Variants in MZT2B observed in about 807,000 individuals in gnomAD.
The protein encoded by MZT2B is mitotic-spindle organizing protein 2B.
In MZT2B, 11 loss-of-function variants were observed where a neutral mutation model predicts 12.1. The ratio of observed to expected loss-of-function variants is 0.91; its 90% CI spans 0.57 to 1.50. MZT2B has a LOEUF of 1.50. Among genes scored for constraint, MZT2B ranks in the 40% most tolerant of loss-of-function variants. The pLI is 0.00. For synonymous variants in MZT2B, 85 were observed against 109.5 expected, an observed-to-expected ratio of 0.78 and a Z score of 1.40; for missense variants, 209 against 227.7, an observed-to-expected ratio of 0.92 and a Z score of 0.53.
chr2:130,183,092 G>T (rs990544276), intron 2 of MZT2B: 22 of 500,564 alleles, frequency 4.4e-5, no homozygotes, highest in African/African-American at 3.6e-4. Flanking sequence ...GTTTGGGGCT[G>T]GGCGCCCTGG....
At chr2:130,198,452 C>G in the MZT2B span, 4 of 1,318,378 alleles carry the variant, frequency 3.0e-6, 1 homozygote, top group Non-Finnish European at 3.1e-6. Context: ...CCTGCCCACG[C>G]GCGCCGCACA....
chr2:130,181,910 G>A, upstream of MZT2B: 1 of 1,497,648 alleles, frequency 6.7e-7, no homozygotes, highest in Non-Finnish European at 8.9e-7. Flanking sequence ...CACCGGTGCG[G>A]ACCAGAAAAT....
At chr2:130,194,203 A>C (rs1291131356), downstream of MZT2B, 1 of 1,612,972 alleles carries the variant, frequency 6.2e-7, no homozygotes, top group Non-Finnish European at 8.5e-7. Flanking sequence ...GGTTGCGCCG[A>C]CATATGTCAT....
At chr2:130,184,892 TG>T in intron 2 of MZT2B, 1 of 985,266 alleles carries the variant, frequency 1.0e-6, no homozygotes, top group Non-Finnish European at 1.2e-6. Flanking sequence ...GAGACCAGTG[TG>T]GTGGCTCACA....
chr2:130,202,557 C>A, the MZT2B span: 2 of 964,220 alleles, frequency 2.1e-6, no homozygotes, highest in Admixed American at 6.9e-5. Flanking sequence ...ACTGTCCCTG[C>A]TGCAAGCAGG....
At chr2:130,192,069 T>C, downstream of MZT2B, 2 of 1,612,672 alleles carry the variant, frequency 1.2e-6, no homozygotes, top group East Asian at 4.5e-5. Flanking sequence ...CACGGCCCGC[T>C]GCACCTTGGC....
downstream of MZT2B, chr2:130,193,816 C>A (rs754085046): frequency 3.7e-6 from 6 of 1,611,606 alleles, no homozygotes; most frequent in Non-Finnish European, 5.1e-6. Context: ...AATCCACAAA[C>A]TGGATAGTGC....
intron 2 of MZT2B, chr2:130,183,113 T>C (rs1338969161): frequency 2.2e-6 from 1 of 455,424 alleles, no homozygotes; most frequent in East Asian, 4.3e-5. Flanking sequence ...CTCACGCCTA[T>C]AATCTTTGGG....
chr2:130,183,017 C>T, intron 2 of MZT2B: 1 of 631,486 alleles, frequency 1.6e-6, no homozygotes, highest in South Asian at 2.0e-5. Flanking sequence ...GGTAGGGCTC[C>T]TCCGCTTAGC....
chr2:130,197,274 G>A, the MZT2B span, among the ~76,000 whole-genome samples: 251 of 151,770 alleles, frequency 1.7e-3, 2 homozygotes, highest in African/African-American at 5.8e-3. Flanking sequence ...AGGATCACTT[G>A]GGACCAGTTT....
At chr2:130,202,405 G>A in the MZT2B span, 13 of 1,290,684 alleles carry the variant, frequency 1.0e-5, no homozygotes, top group Admixed American at 2.3e-5. Context: ...AAGCAGCACC[G>A]CATGGTGTGG....
chr2:130,202,053 C>T, the MZT2B span, among the ~76,000 whole-genome samples: 5 of 151,894 alleles, frequency 3.3e-5, no homozygotes, highest in East Asian at 9.6e-4. Flanking sequence ...AAATTAGCAA[C>T]AAACTATTCT....
Position 130,190,662 on chromosome 2 carries a change from C to G in MZT2B, c.*36C>G. 6.3e-7 allele frequency: 1 copy of G among 1,580,816 alleles called. No homozygotes were observed. Among genetic ancestry groups the G allele is most frequent in the East Asian group, 2.3e-5 (1 of 43,922 alleles). On this transcript the variant is annotated 3_prime_UTR_variant, in exon 3 of 3. Coordinates refer to ENST00000281871, the MANE Select transcript of MZT2B (RefSeq NM_025029.5). ...AGACTTGTTGCATCTTTGTCCCCAGCAAAGGCTACATGTTACCTCCTTCAA... is the reference window on the plus strand; with the variant it reads ...AGACTTGTTGCATCTTTGTCCCCAGGAAAGGCTACATGTTACCTCCTTCAA...
chr2:130,200,521 G>T, the MZT2B span, among the ~76,000 whole-genome samples: 1 of 152,240 alleles, frequency 6.6e-6, no homozygotes, highest in African/African-American at 2.4e-5. Context: ...TCACCCCAGG[G>T]CATGAGTACA....
the MZT2B span, among the ~76,000 whole-genome samples, chr2:130,199,494 G>A: frequency 1.6e-5 from 2 of 122,886 alleles, no homozygotes; most frequent in African/African-American, 2.9e-5. Flanking sequence ...AGGTTACAGT[G>A]AGCTGAGATC....
intron 2 of MZT2B, among the ~76,000 whole-genome samples, chr2:130,185,179 C>CA (rs1471940542): frequency 1.3e-5 from 2 of 152,050 alleles, no homozygotes; most frequent in African/African-American, 4.8e-5. Flanking sequence ...GGCGTGGTGG[C>CA]AGGTGCCTGT....
Position 130,190,521 on chromosome 2 carries a change from C to T in MZT2B, c.372C>T (p.Arg124=), listed in dbSNP as rs1690225203. ...ALGGALALAE[R]SSREGSSQRM... ...GGGGAGCATTGGCCCTGGCGGAACG[C>T]AGCAGCCGCGAAGGATCCAGCCAGA... is the stretch of plus-strand genomic sequence containing the variant. The change falls in exon 3 of 3, where the codon CGC becomes CGT. Residue 124 remains arginine (R), a synonymous_variant. Transcript: ENST00000281871. 1.2e-6 allele frequency: 2 copies of T among 1,613,646 alleles called. No homozygotes were observed. Among genetic ancestry groups the T allele is most frequent in the African/African-American group, 1.3e-5 (1 of 74,916 alleles).
downstream of MZT2B, chr2:130,190,802 G>A (rs1690240797): frequency 2.2e-6 from 3 of 1,350,246 alleles, no homozygotes; most frequent in Middle Eastern, 2.7e-4. Context: ...TTCTGTGCCG[G>A]TCCTGGTTGT....
At chr2:130,184,102 C>T (rs1304490838) in intron 2 of MZT2B, 4 of 1,536,684 alleles carry the variant, frequency 2.6e-6, no homozygotes, top group South Asian at 1.2e-5. Context: ...TGCCGCTTAG[C>T]CACAGGGCAC....
Sources: gnomAD v4.1 joint callset for allele counts (sites outside exome capture counted in the v4.1 genomes callset) on GRCh38, gnomAD v4.1.1 for gene constraint, MANE v1.5 for transcripts, NCBI Gene and HGNC (gene_info 2026-07-23, HGNC 2026-07-21) for gene names.